Variants in GABRA5 observed in about 807,000 individuals in gnomAD.
GABRA5 encodes the protein gamma-aminobutyric acid type A receptor subunit alpha5.
A neutral mutation model predicts 47.3 loss-of-function variants in GABRA5; 18 were observed. The observed-to-expected ratio is 0.38, with a 90% CI of 0.26 to 0.56. The LOEUF (loss-of-function observed/expected upper bound fraction) is 0.56, where lower values mean the gene tolerates loss of function less well. GABRA5 is among the 20% of genes least tolerant of loss of function. The pLI is 0.71. For synonymous variants in GABRA5, 237 were observed against 229.3 expected (o/e 1.03, Z -0.30); for missense variants, 365 against 599.3 (o/e 0.61, Z 4.08).
intron 7 of GABRA5, among the ~76,000 whole-genome samples, chr15:26,925,625 A>T (rs1893943350): frequency 2.0e-5 from 3 of 152,314 alleles, no homozygotes; most frequent in Middle Eastern, 3.4e-3. Flanking sequence ...TAAATCCATC[A>T]TCTGAATCCT....
chr15:26,891,433 C>T (rs1437401701), intron 6 of GABRA5, among the ~76,000 whole-genome samples: 1 of 152,198 alleles, frequency 6.6e-6, no homozygotes, highest in Non-Finnish European at 1.5e-5. Context: ...TGCCAAACCT[C>T]CTGGCCTCTC....
chr15:26,880,633 G>A (rs1892705618), intron 3 of GABRA5: 1 of 446,512 alleles, frequency 2.2e-6, no homozygotes, highest in East Asian at 3.9e-5. Context: ...AGGTTAGGTG[G>A]TTGGATAACT....
chr15:26,880,799 A>G (rs747402050), intron 3 of GABRA5, 47 bp from the exon 4 acceptor site: 2 of 1,593,784 alleles, frequency 1.3e-6, no homozygotes, highest in Non-Finnish European at 1.7e-6. Context: ...AAGAATTTGT[A>G]AGAAATAATA....
At chr15:26,888,533 G>A (rs914901646) in intron 6 of GABRA5, among the ~76,000 whole-genome samples, 32 of 152,052 alleles carry the variant, frequency 2.1e-4, no homozygotes, top group African/African-American at 4.3e-4. Context: ...ATGGATGACC[G>A]TCCCTTAATT....
chr15:26,883,570 C>CGGGG lies in GABRA5; in HGVS notation c.497+15_497+18dup. The CGGGG allele has an allele frequency of 1.2e-5, 6 of 503,392 alleles. No homozygotes were observed. Among genetic ancestry groups the CGGGG allele is most frequent in the Admixed American group, 2.8e-5 (1 of 35,554 alleles). The allele number at this position is 503,392 out of a possible 1,614,324, so 31.2% of individuals were successfully genotyped here. On this transcript the variant is annotated intron_variant, in intron 6 of 10. Coordinates refer to ENST00000335625, the MANE Select transcript of GABRA5 (RefSeq NM_000810.4). The surrounding 1 kb of genome is among the most constrained non-coding windows in gnomAD (Gnocchi z 4.8). ...TCTACACCATGCGGTGAGCGCCGGG[C>CGGGG]GGGGGCGGGCGGGGCCGGGGGACGG...
rs555588612 is a variant in GABRA5 at position 26,893,111 on chromosome 15, T to C, written c.497+9554T>C. 1.4e-3 allele frequency among the ~76,000 whole-genome samples: 206 copies of C among 146,910 alleles called. 1 individual carries two copies. The highest frequency in any genetic ancestry group is 5.1e-3 in the African/African-American group (202 of 39,524). On this transcript the variant is annotated intron_variant, in intron 6 of 10. Coordinates refer to ENST00000335625, the MANE Select transcript of GABRA5 (RefSeq NM_000810.4). Reference sequence around the variant, plus strand: ...GTGTATGGTGTGTGGCATGTGTGTGTCTAGTGCGTGTGTATGGCGTGTTTC... The same window carrying C: ...GTGTATGGTGTGTGGCATGTGTGTGCCTAGTGCGTGTGTATGGCGTGTTTC...
At chr15:26,920,142 G>A (rs1371129571) in intron 7 of GABRA5, among the ~76,000 whole-genome samples, 1 of 151,520 alleles carries the variant, frequency 6.6e-6, no homozygotes, top group Non-Finnish European at 1.5e-5. Context: ...CCTTTCCCAG[G>A]TTTGGAAATT....
Position 26,948,118 on chromosome 15 carries a change from T to C in GABRA5, c.1274T>C (p.Ile425Thr). The C allele has an allele frequency of 6.2e-7, 1 of 1,613,296 alleles. No individual in the cohort carries two copies. Among genetic ancestry groups the C allele is most frequent in the Non-Finnish European group, 8.5e-7 (1 of 1,179,640 alleles). Residue 425 changes from isoleucine (I) to threonine (T), a missense_variant, in exon 11 of 11, where the codon ATT becomes ACT. Physicochemically the swap from Ile to Thr is moderately conservative, Grantham distance 89. This residue lies in a region of GABRA5 where 106 missense variants were observed against 130.3 expected (regional missense o/e 0.81). Coordinates refer to ENST00000335625, the MANE Select transcript of GABRA5 (RefSeq NM_000810.4). The stretch of plus-strand genomic sequence containing the variant: ...AAGACTTACAACAGTATCAGCAAAA[T>C]TGACAAAATGTCCCGAATCGTATTC... ...SKKTYNSISK[I>T]DKMSRIVFPV...
chr15:26,934,835 T>G lies in GABRA5; in HGVS notation c.581-2350T>G, dbSNP rs1156563303. Reference sequence around the variant, plus strand: ...TGCCACTGCCACCTCCCACTCAGGATTTGCAAGGCTAGGAGAGGACAGGCA... The same window carrying G: ...TGCCACTGCCACCTCCCACTCAGGAGTTGCAAGGCTAGGAGAGGACAGGCA... On this transcript the variant is annotated intron_variant, in intron 7 of 10. Transcript: ENST00000335625. 2.0e-5 allele frequency among the ~76,000 whole-genome samples: 3 copies of G among 152,080 alleles called. No individual in the cohort carries two copies. The South Asian group carries it at 6.2e-4, about 32-fold the overall frequency.
intron 9 of GABRA5, among the ~76,000 whole-genome samples, chr15:26,942,433 C>T (rs1186649981): frequency 1.3e-5 from 2 of 152,218 alleles, no homozygotes; most frequent in Non-Finnish European, 2.9e-5. Flanking sequence ...AGATATGGCG[C>T]TTCTGTTACT....
At chr15:26,874,194 A>G (rs974186761) in intron 3 of GABRA5, among the ~76,000 whole-genome samples, 1 of 152,216 alleles carries the variant, frequency 6.6e-6, no homozygotes, top group Admixed American at 6.5e-5. Flanking sequence ...AAAGTACTAG[A>G]AGCAAAAATA....
chr15:26,909,105 G>A (rs1893516517), intron 6 of GABRA5, among the ~76,000 whole-genome samples: 1 of 152,198 alleles, frequency 6.6e-6, no homozygotes, highest in African/African-American at 2.4e-5. Flanking sequence ...AAATGCAGCT[G>A]TGGGCAGGAT....
intron 6 of GABRA5, among the ~76,000 whole-genome samples, chr15:26,911,399 A>ACAC (rs1322015480): frequency 9.3e-6 from 1 of 107,128 alleles, no homozygotes; most frequent in African/African-American, 3.3e-5. Flanking sequence ...ACACACACAA[A>ACAC]CACACACACT....
chr15:26,884,817 C>T (rs993760387), intron 6 of GABRA5, among the ~76,000 whole-genome samples: 3 of 152,184 alleles, frequency 2.0e-5, no homozygotes, highest in Admixed American at 6.5e-5. Flanking sequence ...ACCAACGGCG[C>T]GGTGCAGTCT....
intron 10 of GABRA5, among the ~76,000 whole-genome samples, chr15:26,946,753 A>G (rs1045951412): frequency 1.3e-5 from 2 of 149,374 alleles, no homozygotes; most frequent in African/African-American, 2.5e-5. Flanking sequence ...TATTTCTTCC[A>G]CCATAATGTA....
intron 6 of GABRA5, among the ~76,000 whole-genome samples, chr15:26,894,777 G>C (rs2140272794): frequency 6.6e-6 from 1 of 152,216 alleles, no homozygotes; most frequent in South Asian, 2.1e-4. Context: ...GGACCTTTCT[G>C]AAGTCCCGCG....
At chr15:26,947,844 C>G in intron 10 of GABRA5, 90 bp from the exon 11 acceptor site, 1 of 1,200,104 alleles carries the variant, frequency 8.3e-7, no homozygotes, top group Non-Finnish European at 1.2e-6. Flanking sequence ...AGGTGTTTCT[C>G]TCTTTTGAGA....
intron 8 of GABRA5, chr15:26,939,626 G>GT (rs1894337727): frequency 1.7e-6 from 1 of 600,692 alleles, no homozygotes; most frequent in East Asian, 2.8e-5. Flanking sequence ...AGGCGAGGGA[G>GT]TGGGGGGAGA....
intron 7 of GABRA5, among the ~76,000 whole-genome samples, chr15:26,926,710 A>C (rs1348451305): frequency 1.3e-5 from 2 of 152,116 alleles, no homozygotes; most frequent in Non-Finnish European, 2.9e-5. Context: ...TCTGTATATG[A>C]AAATTGTGCT....
Sources: gnomAD v4.1 joint callset for allele counts (sites outside exome capture counted in the v4.1 genomes callset) on GRCh38, gnomAD v4.1.1 for gene constraint, gnomAD v4.1.1 regional missense constraint, Gnocchi (gnomAD v3.1) non-coding constraint, MANE v1.5 for transcripts, NCBI Gene and HGNC (gene_info 2026-07-23, HGNC 2026-07-21) for gene names.